The following HYAL1 variants were observed in gnomAD, a reference collection of about 807,000 sequenced individuals.
The protein encoded by HYAL1 is hyaluronidase 1, also known as hyaluronidase-1.
HYAL1 carries 21 observed loss-of-function variants against 28.8 expected under a neutral mutation model. The observed-to-expected ratio is 0.73, with a 90% CI of 0.52 to 1.05. The LOEUF is 1.05. Among genes scored for constraint, HYAL1 ranks in the 50% least tolerant of loss-of-function variants. The pLI, the probability that HYAL1 is intolerant of heterozygous loss-of-function variation, is 0.00. For synonymous variants in HYAL1, 200 were observed against 230.1 expected, an observed-to-expected ratio of 0.87 and a Z score of 1.18; for missense variants, 491 against 579.2, an observed-to-expected ratio of 0.85 and a Z score of 1.56.
chr3:50,301,916 A>T, intron 2 of HYAL1, 141 bp downstream of exon 2: 2 of 884,596 alleles, frequency 2.3e-6, no homozygotes, highest in Non-Finnish European at 3.7e-6. Context: ...GTGCCACTGC[A>T]CTCCAGCCTG....
intron 1 of HYAL1, among the ~76,000 whole-genome samples, chr3:50,312,061 G>C (rs1702478780): frequency 7.1e-6 from 1 of 140,784 alleles, no homozygotes; most frequent in Non-Finnish European, 1.6e-5. Context: ...GGCTGGCCGG[G>C]CGGGGGGCTG....
At chr3:50,300,896 T>C in intron 3 of HYAL1, 92 bp downstream of exon 3, 1 of 1,530,846 alleles carries the variant, frequency 6.5e-7, no homozygotes, top group South Asian at 1.2e-5. Context: ...GCCAGGACTT[T>C]GCAGGTAGAA....
chr3:50,310,308 A>G (rs1575523569), intron 1 of HYAL1, among the ~76,000 whole-genome samples: 1 of 139,076 alleles, frequency 7.2e-6, no homozygotes, highest in South Asian at 2.2e-4. Context: ...TCTGTCACTC[A>G]GGCTGGAGTG....
chr3:50,311,697 G>A (rs1213617090), intron 1 of HYAL1, among the ~76,000 whole-genome samples: 437 of 147,830 alleles, frequency 3.0e-3, no homozygotes, highest in Non-Finnish European at 4.7e-3. Context: ...CTCCCGGACG[G>A]GGCGGCAGGC....
intron 3 of HYAL1, 26 bp from the exon 4 acceptor site, chr3:50,300,826 A>G: frequency 6.2e-7 from 1 of 1,609,410 alleles, no homozygotes; most frequent in Non-Finnish European, 8.5e-7. Context: ...GGATAGCGTC[A>G]GGGACACCAT....
upstream of HYAL1, among the ~76,000 whole-genome samples, chr3:50,305,851 T>C (rs1702326532): frequency 2.0e-5 from 3 of 151,442 alleles, no homozygotes; most frequent in Admixed American, 6.6e-5. Context: ...TTCTTACGTA[T>C]TGATAGATGT....
In HYAL1 at chr3:50,302,986, C is replaced by G; in HGVS notation, c.-24-6G>C. 1 of 1,532,246 alleles carries G rather than the reference C, an allele frequency of 6.5e-7. No individual in the cohort carries two copies. The highest frequency in any genetic ancestry group is 1.3e-5 in the South Asian group (1 of 77,950). The allele number at this position is 1,532,246 out of a possible 1,614,324, so 94.9% of individuals were successfully genotyped here. A position where few individuals can be genotyped will look rare whatever the true frequency, so the allele number is the denominator to read the frequency against. ...CGGGACTGGTCGAGGACAACCTGGCCAGGGGAGGCAGAGCTGAGAACAGGT... is the reference window on the plus strand; with the variant it reads ...CGGGACTGGTCGAGGACAACCTGGCGAGGGGAGGCAGAGCTGAGAACAGGT... On this transcript the variant is annotated splice_region_variant and splice_polypyrimidine_tract_variant and intron_variant, in intron 1 of 3. Transcript: ENST00000395144. The surrounding 1 kb of genome is among the most constrained non-coding windows in gnomAD (Gnocchi z 5.0).
In HYAL1 at chr3:50,300,795, T is replaced by G. The variant is rs1553712603; in HGVS notation, c.996A>C (p.Ser332=). 10 of 1,613,558 alleles carry G rather than the reference T, an allele frequency of 6.2e-6. No homozygotes were observed. Among genetic ancestry groups the G allele is most frequent in the Non-Finnish European group, 8.5e-7 (1 of 1,179,854 alleles). The change falls in exon 4 of 4, where the codon TCA becomes TCC. Residue 332 remains serine (S), a synonymous_variant. Coordinates refer to ENST00000395144, the MANE Select transcript of HYAL1 (RefSeq NM_033159.4). ...CCATATACTCCTTGATGGCCTGACA[T>G]GATTCCTAGGTGGGAAGGGAGGATA... is the stretch of plus-strand genomic sequence containing the variant. ...VSWENTRTKE[S]CQAIKEYMDT...
rs938035040 is a variant in HYAL1 at position 50,300,290 on chromosome 3, T to C, written c.*193A>G. 1.6e-5 allele frequency: 10 copies of C among 644,048 alleles called. No individual in the cohort carries two copies. The South Asian group carries it at 1.6e-4, about 10-fold the overall frequency. The allele number at this position is 644,048 out of a possible 1,614,324, so 39.9% of individuals were successfully genotyped here. On this transcript the variant is annotated 3_prime_UTR_variant, in exon 4 of 4. Transcript: ENST00000395144. ...GACATGGAATGAATGGTGTCTGCTG[T>C]GGTTCTAACTCCTTATGCCACTATT...
chr3:50,306,546 A>G (rs1702337777), upstream of HYAL1, among the ~76,000 whole-genome samples: 1 of 151,120 alleles, frequency 6.6e-6, no homozygotes, highest in African/African-American at 2.5e-5. Flanking sequence ...GATCATTGTT[A>G]CTTTAGCAGC....
At chr3:50,303,064 G>A (rs1312280025) in intron 1 of HYAL1, 84 bp from the exon 2 acceptor site, 7 of 1,057,592 alleles carry the variant, frequency 6.6e-6, no homozygotes, top group East Asian at 2.6e-5. Flanking sequence ...GAGCCCTTGC[G>A]CATTAATCCA....
intron 1 of HYAL1, among the ~76,000 whole-genome samples, chr3:50,312,009 C>G (rs1412820081): frequency 7.2e-6 from 1 of 138,538 alleles, no homozygotes; most frequent in Non-Finnish European, 1.6e-5. Flanking sequence ...GGCGGCTGGC[C>G]GGGTGGGAGG....
intron 2 of HYAL1, among the ~76,000 whole-genome samples, chr3:50,308,770 A>G (rs1575522714): frequency 7.6e-6 from 1 of 131,532 alleles, no homozygotes; most frequent in African/African-American, 3.0e-5. Flanking sequence ...TCACTCTGTC[A>G]CCCAGGCTGG....
upstream of HYAL1, chr3:50,304,045 A>G (rs1702275869): frequency 6.6e-6 from 1 of 151,994 alleles, no homozygotes; most frequent in African/African-American, 2.4e-5. Context: ...GAGGTGGCAG[A>G]TCACGAGGTC....
Position 50,302,319 on chromosome 3 carries a change from A to G in HYAL1, c.638T>C (p.Leu213Pro). The part of the protein sequence containing the change: ...GFPDCYNYDF[L>P]SPNYTGQCPS... ...GCACTGGCCGGTGTAGTTGGGGCTT[A>G]GAAAGTCATAGTTGTAGCAGTCAGG... The change falls in exon 2 of 4, where the codon CTA (leucine) becomes CCA (proline). Residue 213 changes from leucine (L) to proline (P), a missense_variant. Leu to Pro is a moderately conservative substitution (Grantham distance 98). Coordinates refer to ENST00000395144, the MANE Select transcript of HYAL1 (RefSeq NM_033159.4). This position sits in a 1 kb window ranked among gnomAD's most constrained non-coding sequence, Gnocchi z 5.0. The G allele has an allele frequency of 1.2e-6, 2 of 1,613,468 alleles. No individual in the cohort carries two copies. Among genetic ancestry groups the G allele is most frequent in the Non-Finnish European group, 1.7e-6 (2 of 1,180,008 alleles).
At chr3:50,305,681 G>A (rs782736566), upstream of HYAL1, among the ~76,000 whole-genome samples, 6 of 150,938 alleles carry the variant, frequency 4.0e-5, no homozygotes, top group African/African-American at 5.0e-5. Flanking sequence ...GACTACAGGC[G>A]CGTGCCACCA....
upstream of HYAL1, among the ~76,000 whole-genome samples, chr3:50,307,935 C>G (rs1379262326): frequency 2.0e-5 from 3 of 148,880 alleles, no homozygotes; most frequent in Non-Finnish European, 4.4e-5. Flanking sequence ...GCTGGGACTA[C>G]AGGGGCCCGC....
At position 50,310,295 on chromosome 3, in the gene HYAL1, C is replaced by T. The variant is rs1379708295; in HGVS notation, c.-309-518G>A. Among the ~76,000 whole-genome samples, 18 of 146,640 alleles carry T rather than the reference C, an allele frequency of 1.2e-4. No individual in the cohort carries two copies. The East Asian group carries it at 1.6e-3, about 13-fold the overall frequency. The stretch of plus-strand genomic sequence containing the variant: ...TTTTTTTTTTTTTGAGACAGAGTCC[C>T]GCTCTGTCACTCAGGCTGGAGTGCA... On this transcript the variant is annotated intron_variant, in intron 1 of 5. Coordinates refer to the HYAL1 transcript ENST00000320295.
rs587705046 is a variant in HYAL1, at chr3:50,302,490, T to G, written c.467A>C (p.Gln156Pro). Residue 156 changes from glutamine to proline, a missense_variant, in exon 2 of 4, where the codon CAG (glutamine) becomes CCG (proline). By Grantham distance (76) the Gln-to-Pro change is moderately conservative (BLOSUM62 -1). Coordinates refer to ENST00000395144, the MANE Select transcript of HYAL1 (RefSeq NM_033159.4). The surrounding 1 kb of genome is among the most constrained non-coding windows in gnomAD (Gnocchi z 5.0). ...IYRQRSRALV[Q>P]AQHPDWPAPQ... is the part of the protein sequence containing the mutation. ...AGCTGGCCAATCAGGGTGCTGTGCC[T>G]GTACCAGTGCCCGTGAGCGCTGCCG... The G allele has an allele frequency of 1.2e-6, 2 of 1,614,144 alleles. No individual in the cohort carries two copies. The highest frequency in any genetic ancestry group is 4.5e-5 in the East Asian group (2 of 44,880).
Sources: allele counts gnomAD v4.1 joint callset (sites outside exome capture counted in the v4.1 genomes callset), GRCh38; gene constraint gnomAD v4.1.1; non-coding constraint Gnocchi (gnomAD v3.1); transcripts MANE v1.5; gene names NCBI Gene and HGNC (gene_info 2026-07-23, HGNC 2026-07-21).